EIF4G3: variants seen among roughly 807,000 people sequenced by gnomAD.
EIF4G3 encodes the protein eIF-4-gamma 3.
A neutral mutation model predicts 186.4 loss-of-function variants in EIF4G3; 34 were observed. That is an observed-to-expected ratio of 0.18 (90% CI 0.14 to 0.24). The LOEUF (loss-of-function observed/expected upper bound fraction) is 0.24. Ranked by LOEUF, EIF4G3 falls within the 10% of genes least tolerant of loss-of-function variation. The pLI, the probability that EIF4G3 is intolerant of heterozygous loss-of-function variation, is 1.00. For missense variants in EIF4G3, 1,536 were observed against 1,948.5 expected (o/e 0.79, Z 3.99); for synonymous variants, 673 against 679.5 (o/e 0.99, Z 0.15).
chr1:20,954,787 A>G (rs549001344), intron 12 of EIF4G3, among the ~76,000 whole-genome samples: 1 of 152,300 alleles, frequency 6.6e-6, no homozygotes, highest in East Asian at 1.9e-4. Context: ...TATGGTATAG[A>G]CCACAAAATT....
chr1:20,955,593 A>G (rs1243733275), intron 12 of EIF4G3, among the ~76,000 whole-genome samples: 1 of 152,222 alleles, frequency 6.6e-6, no homozygotes, highest in Non-Finnish European at 1.5e-5. Context: ...GCAAGGAAAC[A>G]GCAGTTACAA....
In EIF4G3 at chr1:20,941,806, G is replaced by A. The variant is rs370218455; in HGVS notation, c.1348C>T (p.Pro450Ser). The change falls in exon 14 of 37, where the codon CCA (proline) becomes TCA (serine). Residue 450 changes from proline (P) to serine (S), a missense_variant. Around this residue, in one of 11 missense-constraint regions of EIF4G3, gnomAD observed 560 missense variants for 547.8 expected, o/e 1.02. Transcript: ENST00000602326. ...ATACACTCCAGTTTCATTTCTTCTG[G>A]GGGATTTTCGAGAATCTCCAATTCA... ...TLELEILENP[P>S]EEMKLECIPA... 1 of 1,613,550 alleles carries A rather than the reference G, an allele frequency of 6.2e-7. No homozygotes were observed. The highest frequency in any genetic ancestry group is 1.7e-5 in the Admixed American group (1 of 59,954).
At chr1:20,875,306 A>G (rs139095206) in intron 20 of EIF4G3, among the ~76,000 whole-genome samples, 2 of 152,330 alleles carry the variant, frequency 1.3e-5, no homozygotes, top group African/African-American at 4.8e-5. Flanking sequence ...AAAAAAGACT[A>G]AAGAGTATTG....
At chr1:20,849,557 T>C in intron 28 of EIF4G3, 27 bp from the exon 29 acceptor site, 1 of 1,035,860 alleles carries the variant, frequency 9.7e-7, no homozygotes, top group Non-Finnish European at 1.4e-6. Flanking sequence ...CCAAAAAAAG[T>C]AAAAATAATA....
At chr1:20,902,335 T>A (rs2090612067) in intron 15 of EIF4G3, among the ~76,000 whole-genome samples, 1 of 152,238 alleles carries the variant, frequency 6.6e-6, no homozygotes, top group Admixed American at 6.5e-5. Flanking sequence ...GTGCTGTGAT[T>A]ACAGGCGTAA....
At chr1:20,861,512 CAA>C (rs1430682671) in intron 23 of EIF4G3, among the ~76,000 whole-genome samples, 1 of 152,196 alleles carries the variant, frequency 6.6e-6, no homozygotes. Context: ...GACTCTTCAA[CAA>C]ATCTGCAAGG....
chr1:20,820,405 C>T (rs2062044323), intron 33 of EIF4G3, among the ~76,000 whole-genome samples: 2 of 152,234 alleles, frequency 1.3e-5, no homozygotes, highest in Non-Finnish European at 2.9e-5. Context: ...AGGAAAGACC[C>T]CCTGTCCCTG....
Position 20,807,116 on chromosome 1 carries a change from C to T in EIF4G3, c.*203G>A. ...TACATGTATTTTGGTTTTAGTGCTCCCGCCCTAAGGTTTGAAGTTTACTTT... is the reference window on the plus strand; with the variant it reads ...TACATGTATTTTGGTTTTAGTGCTCTCGCCCTAAGGTTTGAAGTTTACTTT... On this transcript the variant is annotated 3_prime_UTR_variant, in exon 37 of 37. Coordinates refer to ENST00000602326, the MANE Select transcript of EIF4G3 (RefSeq NM_001391906.1). The T allele has an allele frequency of 2.6e-6, 1 of 387,870 alleles. No individual in the cohort carries two copies. The allele number at this position is 387,870 out of a possible 1,614,324, so 24.0% of individuals were successfully genotyped here. A position where few individuals can be genotyped will look rare whatever the true frequency, so the allele number is the denominator to read the frequency against.
chr1:20,869,881 T>C (rs2078715752), intron 20 of EIF4G3, among the ~76,000 whole-genome samples: 1 of 152,102 alleles, frequency 6.6e-6, no homozygotes, highest in Admixed American at 6.6e-5. Context: ...ACATACTATT[T>C]TCTATCAGTG....
chr1:21,021,837 T>C (rs535227211), intron 4 of EIF4G3, among the ~76,000 whole-genome samples: 3 of 152,258 alleles, frequency 2.0e-5, no homozygotes, highest in African/African-American at 4.8e-5. Context: ...ATTACAGCCA[T>C]GAACCACCGT....
At position 20,899,795 on chromosome 1, in the gene EIF4G3, C is replaced by T. The variant is rs1271424990; in HGVS notation, c.1901G>A (p.Arg634His). The change falls in exon 16 of 37, where the codon CGT becomes CAT. Residue 634 changes from arginine to histidine, a missense_variant. This residue lies in a region of EIF4G3 where 560 missense variants were observed against 547.8 expected (regional missense o/e 1.02). Coordinates refer to ENST00000602326, the MANE Select transcript of EIF4G3 (RefSeq NM_001391906.1). ...CTCAGAAACACTCTCAGCACCATTA[C>T]GTACTGGCTCAGCTTCTTCTCCATT... is the stretch of plus-strand genomic sequence containing the variant. ...EENGEEAEPV[R>H]NGAESVSEGE... 6.8e-6 allele frequency: 11 copies of T among 1,614,030 alleles called. No homozygotes were observed. The highest frequency in any genetic ancestry group is 3.3e-5 in the Admixed American group (2 of 59,996).
intron 31 of EIF4G3, among the ~76,000 whole-genome samples, chr1:20,828,412 C>T (rs1479230477): frequency 6.6e-6 from 1 of 152,160 alleles, no homozygotes; most frequent in African/African-American, 2.4e-5. Flanking sequence ...AATTTTGTAA[C>T]AGTCTAAATC....
At chr1:20,885,353 T>C (rs2083775050) in intron 19 of EIF4G3, among the ~76,000 whole-genome samples, 1 of 152,258 alleles carries the variant, frequency 6.6e-6, no homozygotes, top group African/African-American at 2.4e-5. Context: ...ACTGGCCCTA[T>C]GAGGCACTCA....
At chr1:21,167,573 T>C (rs1490796599) in intron 2 of EIF4G3, among the ~76,000 whole-genome samples, 1 of 152,052 alleles carries the variant, frequency 6.6e-6, no homozygotes, top group Non-Finnish European at 1.5e-5. Flanking sequence ...GCCAGGCCAA[T>C]ATGGTGAAAC....
chr1:20,990,148 T>A (rs2154567782), intron 7 of EIF4G3, among the ~76,000 whole-genome samples: 1 of 152,256 alleles, frequency 6.6e-6, no homozygotes, highest in East Asian at 1.9e-4. Context: ...CACTCCAGCA[T>A]GGGTGACAGA....
At chr1:20,882,016 T>C (rs2082476845) in intron 19 of EIF4G3, among the ~76,000 whole-genome samples, 1 of 151,356 alleles carries the variant, frequency 6.6e-6, no homozygotes, top group Non-Finnish European at 1.5e-5. Flanking sequence ...ATACAAAAAT[T>C]AGCTGGGTGT....
chr1:21,007,538 C>CAAAAAAAAAAAAAAAA (rs1471121881), intron 4 of EIF4G3, among the ~76,000 whole-genome samples: 17 of 58,512 alleles, frequency 2.9e-4, no homozygotes, highest in East Asian at 6.2e-4. Flanking sequence ...AAAAAAAAAA[C>CAAAAAAAAAAAAAAAA]ACACTCAAAA....
At chr1:21,027,480 A>C (rs909674730) in intron 4 of EIF4G3, among the ~76,000 whole-genome samples, 4 of 151,260 alleles carry the variant, frequency 2.6e-5, no homozygotes, top group South Asian at 4.3e-4. Flanking sequence ...AATACAAAAA[A>C]TTAGCCGGGC....
chr1:21,045,650 C>T lies in EIF4G3; in HGVS notation c.-67+5216G>A, dbSNP rs563221343. Among the ~76,000 whole-genome samples, 15 of 152,204 alleles carry T rather than the reference C, an allele frequency of 9.9e-5. No homozygotes were observed. In the East Asian group the frequency reaches 2.7e-3, roughly 27 times the overall value. ...CTAGATTTTGATCCTAGTTAATCAG[C>T]GCCAGTTTGGTCTGTTTTGTAATTG... On this transcript the variant is annotated intron_variant, in intron 4 of 36. Coordinates refer to ENST00000602326, the MANE Select transcript of EIF4G3 (RefSeq NM_001391906.1).
Sources: allele counts gnomAD v4.1 joint callset (sites outside exome capture counted in the v4.1 genomes callset), GRCh38; gene constraint gnomAD v4.1.1; regional missense constraint gnomAD v4.1.1; transcripts MANE v1.5; gene names NCBI Gene and HGNC (gene_info 2026-07-23, HGNC 2026-07-21).